Variants in TMTC2 observed in about 807,000 individuals in gnomAD.
TMTC2 encodes transmembrane O-mannosyltransferase targeting cadherins 2, also known as protein O-mannosyl-transferase TMTC2.
A neutral mutation model predicts 82.4 loss-of-function variants in TMTC2; 43 were observed. The ratio of observed to expected loss-of-function variants is 0.52; its 90% confidence interval spans 0.41 to 0.67. The LOEUF (loss-of-function observed/expected upper bound fraction) is 0.67. Among genes scored for constraint, TMTC2 ranks in the 30% least tolerant of loss-of-function variants. TMTC2 has a pLI of 0.00. For missense variants in TMTC2, 919 were observed against 1,012.4 expected, an observed-to-expected ratio of 0.91 and a Z score of 1.25; for synonymous variants, 408 against 381.9, an observed-to-expected ratio of 1.07 and a Z score of -0.80.
intron 8 of TMTC2, among the ~76,000 whole-genome samples, chr12:83,017,813 GAAAA>G: frequency 7.0e-6 from 1 of 142,540 alleles, no homozygotes; most frequent in South Asian, 2.2e-4. Context: ...ATTTATAACT[GAAAA>G]AAAAAAAAAA....
At chr12:82,917,906 T>C (rs1875111612) in intron 3 of TMTC2, among the ~76,000 whole-genome samples, 1 of 151,790 alleles carries the variant, frequency 6.6e-6, no homozygotes, top group Non-Finnish European at 1.5e-5. Context: ...CGGCCAGCTT[T>C]TATTTTTTTG....
intron 9 of TMTC2, among the ~76,000 whole-genome samples, chr12:83,035,490 CTTG>C (rs1050074104): frequency 6.6e-6 from 1 of 152,112 alleles, no homozygotes; most frequent in Non-Finnish European, 1.5e-5. Flanking sequence ...ACTCCGATTT[CTTG>C]TTGTTTGTAA....
Position 83,132,199 on chromosome 12 carries a change from T to C in TMTC2, c.2332-11T>C. On this transcript the variant is annotated splice_polypyrimidine_tract_variant and intron_variant, in intron 11 of 11. Transcript: ENST00000321196. ...GCCTCCTAATTGTTTTCCTTCTTTC[T>C]CTTGTTGCAGTATCCGGCTGCTTTG... is the stretch of plus-strand genomic sequence containing the variant. 6.3e-7 allele frequency: 1 copy of C among 1,580,960 alleles called. No homozygotes were observed. The highest frequency in any genetic ancestry group is 1.7e-4 in the Middle Eastern group (1 of 5,928).
chr12:82,990,272 T>C (rs1042693460), intron 8 of TMTC2, among the ~76,000 whole-genome samples: 3 of 152,162 alleles, frequency 2.0e-5, no homozygotes, highest in African/African-American at 7.2e-5. Context: ...ATAAGACTTA[T>C]ATGTTTACAA....
intron 11 of TMTC2, among the ~76,000 whole-genome samples, chr12:83,107,102 T>C (rs1291993401): frequency 6.6e-6 from 1 of 152,230 alleles, no homozygotes; most frequent in East Asian, 1.9e-4. Context: ...TGACTGAGGA[T>C]GTATGGCTCA....
At chr12:82,745,618 A>G (rs1471486494) in intron 1 of TMTC2, among the ~76,000 whole-genome samples, 2 of 152,224 alleles carry the variant, frequency 1.3e-5, no homozygotes, top group African/African-American at 2.4e-5. Context: ...AGAAAACACC[A>G]CTTACCCTTT....
At chr12:82,994,780 A>C (rs1196030374) in intron 8 of TMTC2, among the ~76,000 whole-genome samples, 3 of 152,178 alleles carry the variant, frequency 2.0e-5, no homozygotes, top group Non-Finnish European at 4.4e-5. Flanking sequence ...TATTTAGGTG[A>C]AATTCACAAT....
chr12:82,733,975 T>A (rs1405349345), intron 1 of TMTC2, among the ~76,000 whole-genome samples: 1 of 152,220 alleles, frequency 6.6e-6, no homozygotes, highest in African/African-American at 2.4e-5. Context: ...ATTTTCATTA[T>A]CATTGCTGTC....
intron 1 of TMTC2, among the ~76,000 whole-genome samples, chr12:82,842,008 A>G (rs530557293): frequency 6.6e-6 from 1 of 152,188 alleles, no homozygotes; most frequent in Non-Finnish European, 1.5e-5. Flanking sequence ...ACAAAATGCA[A>G]TAATAGACTG....
chr12:82,880,586 A>G (rs1872773391), intron 2 of TMTC2, among the ~76,000 whole-genome samples: 1 of 152,144 alleles, frequency 6.6e-6, no homozygotes, highest in Non-Finnish European at 1.5e-5. Flanking sequence ...CCTTTGCTTA[A>G]TCCGAATTTA....
intron 1 of TMTC2, among the ~76,000 whole-genome samples, chr12:82,708,482 C>G (rs1873474895): frequency 6.6e-6 from 1 of 152,160 alleles, no homozygotes; most frequent in Admixed American, 6.5e-5. Context: ...CAGTAAGTGA[C>G]TAGATGGCAT....
chr12:83,064,946 A>G (rs1882865432), intron 11 of TMTC2, among the ~76,000 whole-genome samples: 1 of 151,970 alleles, frequency 6.6e-6, no homozygotes, highest in Non-Finnish European at 1.5e-5. Context: ...CTATTTAAAT[A>G]GTTCCATTGT....
At chr12:83,064,272 G>A (rs1882845359) in intron 11 of TMTC2, among the ~76,000 whole-genome samples, 1 of 151,782 alleles carries the variant, frequency 6.6e-6, no homozygotes, top group South Asian at 2.1e-4. Flanking sequence ...AGTCTGATTT[G>A]TGAAATAGTT....
intron 4 of TMTC2, among the ~76,000 whole-genome samples, chr12:82,932,097 T>C (rs1187481788): frequency 6.6e-6 from 1 of 152,208 alleles, no homozygotes; most frequent in Non-Finnish European, 1.5e-5. Flanking sequence ...ATTTATGCTC[T>C]GGTTAGCTGA....
At position 83,117,048 on chromosome 12, in the gene TMTC2, T is replaced by C. The variant is rs550948532; in HGVS notation, c.2332-15162T>C. ...TTTCCTGGTGTTCTCGTCTAGAATT[T>C]TTATACTTTCAGGTCTTAGGTTGAA... On this transcript the variant is annotated intron_variant, in intron 11 of 11. Coordinates refer to ENST00000321196, the MANE Select transcript of TMTC2 (RefSeq NM_152588.3). 6.6e-5 allele frequency among the ~76,000 whole-genome samples: 10 copies of C among 152,326 alleles called. No homozygotes were observed. The East Asian group carries it at 1.9e-3, about 29-fold the overall frequency.
In TMTC2 at chr12:83,077,487, G is replaced by T. The variant is rs568081151; in HGVS notation, c.2331+15656G>T. Among the ~76,000 whole-genome samples, 19 of 152,192 alleles carry T rather than the reference G, an allele frequency of 1.2e-4. No individual in the cohort carries two copies. The South Asian group carries it at 3.9e-3, about 32-fold the overall frequency. On this transcript the variant is annotated intron_variant, in intron 11 of 11. Transcript: ENST00000321196. ...AGGATGTCTTCAATTCTATATGAAG[G>T]CTGTCATATTATGTAAAACTTATGT...
intron 1 of TMTC2, among the ~76,000 whole-genome samples, chr12:82,801,954 T>G (rs1057214992): frequency 2.6e-5 from 4 of 152,120 alleles, no homozygotes; most frequent in African/African-American, 9.6e-5. Context: ...CCCACCAGAC[T>G]CAGGAGCCCA....
chr12:82,754,134 T>C (rs1484206892), intron 1 of TMTC2, among the ~76,000 whole-genome samples: 3 of 152,140 alleles, frequency 2.0e-5, no homozygotes, highest in Non-Finnish European at 4.4e-5. Context: ...CAGAAAGAAG[T>C]TGAGAGAAGA....
intron 2 of TMTC2, among the ~76,000 whole-genome samples, chr12:82,893,539 A>T (rs1873506876): frequency 6.6e-6 from 1 of 152,134 alleles, no homozygotes; most frequent in African/African-American, 2.4e-5. Flanking sequence ...TGAATTTGGC[A>T]CTATTGTATC....
Sources: gnomAD v4.1 joint callset for allele counts (sites outside exome capture counted in the v4.1 genomes callset) on GRCh38, gnomAD v4.1.1 for gene constraint, MANE v1.5 for transcripts, NCBI Gene and HGNC (gene_info 2026-07-23, HGNC 2026-07-21) for gene names.